Variants in NPIPB15 observed in about 807,000 individuals in gnomAD.
The protein encoded by NPIPB15 is nuclear pore complex-interacting protein family member B15.
NPIPB15 carries 5 observed loss-of-function variants against 35.9 expected under a neutral mutation model. The ratio of observed to expected loss-of-function variants is 0.14; its 90% confidence interval spans 0.07 to 0.29. The LOEUF is 0.29. Among genes scored for constraint, NPIPB15 ranks in the 10% least tolerant of loss-of-function variants. NPIPB15 has a pLI of 1.00. For synonymous variants in NPIPB15, 43 were observed against 182.0 expected (o/e 0.24, Z 6.15); for missense variants, 100 against 506.1 (o/e 0.20, Z 7.70).
At position 74,381,560 on chromosome 16, in the gene NPIPB15, T is replaced by C. The variant is rs2011992887; in HGVS notation, c.111T>C (p.Phe37=). ...TCTATCGTCATCGTGAGACTGACTTTGGTGTAGGAGTTCGAGACCACCCTG... is the reference window on the plus strand; with the variant it reads ...TCTATCGTCATCGTGAGACTGACTTCGGTGTAGGAGTTCGAGACCACCCTG... The part of the protein sequence containing the change: ...LAVYRHRETD[F]GVGVRDHPGQ... The change falls in exon 3 of 8, where the codon TTT becomes TTC. Residue 37 remains phenylalanine (F), a synonymous_variant. Coordinates refer to ENST00000692376, the MANE Select transcript of NPIPB15 (RefSeq NM_001306094.2). 1 of 1,589,580 alleles carries C rather than the reference T, an allele frequency of 6.3e-7. No homozygotes were observed. Among genetic ancestry groups the C allele is most frequent in the East Asian group, 2.2e-5 (1 of 44,450 alleles).
At chr16:74,389,662 G>T (rs1230435721) in intron 5 of NPIPB15, among the ~76,000 whole-genome samples, 163 bp from the exon 6 acceptor site, 1 of 105,812 alleles carries the variant, frequency 9.5e-6, no homozygotes, top group East Asian at 3.5e-4. Flanking sequence ...ATCAGCCACC[G>T]TGACCGGCTC....
intron 5 of NPIPB15, among the ~76,000 whole-genome samples, chr16:74,388,985 T>C (rs1202606854): frequency 6.7e-6 from 1 of 149,562 alleles, no homozygotes; most frequent in Non-Finnish European, 1.5e-5. Flanking sequence ...TACCTGAATA[T>C]TTACCAGTGA....
At chr16:74,387,910 C>T (rs1375178312) in intron 5 of NPIPB15, among the ~76,000 whole-genome samples, 2 of 151,598 alleles carry the variant, frequency 1.3e-5, no homozygotes, top group African/African-American at 4.8e-5. Flanking sequence ...GTGAGGGCAA[C>T]ACAGCAAACT....
chr16:74,391,804 G>C lies in NPIPB15; in HGVS notation c.1056G>C (p.Ala352=). The change falls in exon 8 of 8, where the codon GCG becomes GCC. Residue 352 remains alanine, a synonymous_variant. Coordinates refer to ENST00000692376, the MANE Select transcript of NPIPB15 (RefSeq NM_001306094.2). ...CCTTAGCTACTCAGGAGGCCGAGGC[G>C]GAAAAACCACCCAAACCCAAGAGGT... The part of the protein sequence containing the change: ...TPPLATQEAE[A]EKPPKPKRWR... 1 of 1,472,308 alleles carries C rather than the reference G, an allele frequency of 6.8e-7. No individual in the cohort carries two copies. Among genetic ancestry groups the C allele is most frequent in the Non-Finnish European group, 9.1e-7 (1 of 1,098,686 alleles). 91.2% of individuals were successfully genotyped at this position (1,472,308 alleles called of 1,614,324 possible). A position where few individuals can be genotyped will look rare whatever the true frequency, so the allele number is the denominator to read the frequency against.
chr16:74,377,465 G>A (rs1475525281), intron 1 of NPIPB15, among the ~76,000 whole-genome samples, 119 bp downstream of exon 1: 13 of 152,010 alleles, frequency 8.6e-5, no homozygotes, highest in South Asian at 8.3e-4. Flanking sequence ...AGGCACCACC[G>A]GGGTCATCAG....
intron 2 of NPIPB15, among the ~76,000 whole-genome samples, chr16:74,379,652 C>T (rs1160026238): frequency 1.9e-4 from 29 of 150,378 alleles, no homozygotes; most frequent in Non-Finnish European, 3.8e-4. Context: ...TGCAGTGGTG[C>T]GATCTCGGCT....
chr16:74,384,646 C>T (rs1362378945), intron 3 of NPIPB15, among the ~76,000 whole-genome samples: 3 of 141,806 alleles, frequency 2.1e-5, no homozygotes, highest in South Asian at 2.4e-4. Context: ...GGATTACAGG[C>T]GTGAGCTACC....
At position 74,391,383 on chromosome 16, in the gene NPIPB15, C is replaced by T. The variant is rs2012528300; in HGVS notation, c.643-8C>T. The T allele has an allele frequency of 1.0e-5, 16 of 1,601,838 alleles. No individual in the cohort carries two copies. Among genetic ancestry groups the T allele is most frequent in the Non-Finnish European group, 1.4e-5 (16 of 1,179,576 alleles). ...TGTGTGAAAACATTCCCTCCTTTGG[C>T]CCTACAGGTCAGAATGGCGGCAGCG... On this transcript the variant is annotated splice_polypyrimidine_tract_variant and splice_region_variant and intron_variant, in intron 7 of 7. Coordinates refer to ENST00000692376, the MANE Select transcript of NPIPB15 (RefSeq NM_001306094.2).
intron 3 of NPIPB15, among the ~76,000 whole-genome samples, chr16:74,384,754 TCAC>T (rs1385832745): frequency 7.3e-6 from 1 of 136,288 alleles, no homozygotes; most frequent in Admixed American, 8.3e-5. Context: ...CAATCTCAGC[TCAC>T]CACAACCTTT....
chr16:74,377,483 T>A (rs1450590323), intron 1 of NPIPB15, among the ~76,000 whole-genome samples, 137 bp downstream of exon 1: 4 of 152,030 alleles, frequency 2.6e-5, no homozygotes, highest in African/African-American at 9.7e-5. Flanking sequence ...CAGGGATTGG[T>A]GGAGAGGGAG....
intron 1 of NPIPB15, among the ~76,000 whole-genome samples, chr16:74,377,635 G>A (rs565682325): frequency 7.9e-5 from 12 of 152,038 alleles, no homozygotes; most frequent in East Asian, 1.9e-4. Context: ...GATCTTCTCC[G>A]TGACCTGTAG....
chr16:74,387,084 T>C (rs2012321166), intron 5 of NPIPB15, among the ~76,000 whole-genome samples: 2 of 151,766 alleles, frequency 1.3e-5, no homozygotes, highest in East Asian at 2.0e-4. Context: ...TTCTGGGGGA[T>C]GGTCACGGGT....
At chr16:74,377,656 C>T (rs1230857848) in intron 1 of NPIPB15, among the ~76,000 whole-genome samples, 2 of 151,948 alleles carry the variant, frequency 1.3e-5, no homozygotes, top group Non-Finnish European at 2.9e-5. Context: ...CTAAACCTTC[C>T]ACCAGCGCTT....
At chr16:74,379,840 G>A (rs1312429432) in intron 2 of NPIPB15, among the ~76,000 whole-genome samples, 56 of 152,036 alleles carry the variant, frequency 3.7e-4, no homozygotes, top group Admixed American at 2.9e-3. Flanking sequence ...CACCCACCTC[G>A]GCTTCCCAAA....
intron 2 of NPIPB15, among the ~76,000 whole-genome samples, chr16:74,378,655 G>T (rs528395918): frequency 4.6e-5 from 7 of 150,542 alleles, no homozygotes. Flanking sequence ...CTCGTGATCC[G>T]CCTGCCTCGG....
At chr16:74,378,792 A>C (rs1454992638) in intron 2 of NPIPB15, among the ~76,000 whole-genome samples, 16 of 151,268 alleles carry the variant, frequency 1.1e-4, no homozygotes, top group Admixed American at 4.0e-4. Flanking sequence ...CAAGATCTAC[A>C]TTATTTTATT....
Position 74,376,452 on chromosome 16 carries a change from C to CT in NPIPB15, c.-916dup, listed in dbSNP as rs1168452261. On this transcript the variant is annotated 5_prime_UTR_variant, in exon 1 of 8. An upstream open reading frame in the 5' UTR loses its in-frame stop. Transcript: ENST00000692376. ...CTGGGTCCTGCCCACCTGCTTGGAG[C>CT]TCCCCACCCATCACACATGATGCTG... 6.7e-6 allele frequency among the ~76,000 whole-genome samples: 1 copy of CT among 150,216 alleles called. No homozygotes were observed. Among genetic ancestry groups the CT allele is most frequent in the African/African-American group, 2.4e-5 (1 of 40,836 alleles).
chr16:74,388,970 C>T (rs1180299744), intron 5 of NPIPB15, among the ~76,000 whole-genome samples: 1 of 149,510 alleles, frequency 6.7e-6, no homozygotes, highest in Non-Finnish European at 1.5e-5. Flanking sequence ...AAACAGAAAA[C>T]AAAGTACCTG....
At position 74,381,594 on chromosome 16, in the gene NPIPB15, G is replaced by A. The variant is rs552769363; in HGVS notation, c.145G>A (p.Gly49Ser). 208 of 1,567,276 alleles carry A rather than the reference G, an allele frequency of 1.3e-4. 3 individuals carry two copies. In the South Asian group the frequency reaches 2.3e-3, roughly 17 times the overall value. ...AGTTCGAGACCACCCTGGCCAACATGGCAAAACCCCATCTCCACAAAAATT... is the reference window on the plus strand; with the variant it reads ...AGTTCGAGACCACCCTGGCCAACATAGCAAAACCCCATCTCCACAAAAATT... The part of the protein sequence containing the change: ...VGVRDHPGQH[G>S]KTPSPQKLDN... Residue 49 changes from glycine to serine, a missense_variant, in exon 3 of 8, where the codon GGC becomes AGC. Gly to Ser is a moderately conservative substitution (Grantham distance 56). Coordinates refer to ENST00000692376, the MANE Select transcript of NPIPB15 (RefSeq NM_001306094.2).
Sources: gnomAD v4.1 joint callset for allele counts (sites outside exome capture counted in the v4.1 genomes callset) on GRCh38, gnomAD v4.1.1 for gene constraint, MANE v1.5 for transcripts, NCBI Gene and HGNC (gene_info 2026-07-23, HGNC 2026-07-21) for gene names.